GABBR2: variants seen among roughly 807,000 people sequenced by gnomAD.
GABBR2 encodes the protein G-protein coupled receptor 51.
A neutral mutation model predicts 105.6 loss-of-function variants in GABBR2; 23 were observed. The observed-to-expected ratio is 0.22, with a 90% confidence interval of 0.16 to 0.31. The LOEUF is 0.31. GABBR2 is among the 10% of genes least tolerant of loss of function. The probability of loss-of-function intolerance (pLI) is 1.00; values close to 1 mark genes in which losing one functional copy is unlikely to be tolerated. For missense variants in GABBR2, 734 were observed against 1,245.5 expected (o/e 0.59, Z 6.18); for synonymous variants, 478 against 499.7 (o/e 0.96, Z 0.58).
At chr9:98,574,669 T>C (rs1828883510) in intron 2 of GABBR2, among the ~76,000 whole-genome samples, 1 of 152,242 alleles carries the variant, frequency 6.6e-6, no homozygotes, top group Admixed American at 6.5e-5. Flanking sequence ...ACAGTCCCCA[T>C]CTTGTAACCC....
chr9:98,538,685 C>G (rs2779601), intron 3 of GABBR2: 3 of 595,284 alleles, frequency 5.0e-6, no homozygotes, highest in Non-Finnish European at 6.3e-6. Flanking sequence ...CCACCCCCTC[C>G]GACTTCAGGA....
chr9:98,567,395 T>C (rs1463061961), intron 2 of GABBR2, among the ~76,000 whole-genome samples: 1 of 152,242 alleles, frequency 6.6e-6, no homozygotes, highest in Non-Finnish European at 1.5e-5. Flanking sequence ...CCTCTGCTTC[T>C]CTGAAAACCA....
chr9:98,478,862 G>A (rs540134731), intron 5 of GABBR2, among the ~76,000 whole-genome samples: 112 of 152,148 alleles, frequency 7.4e-4, no homozygotes, highest in South Asian at 1.3e-3. Flanking sequence ...TATTTTTTCT[G>A]AAGTTATTTG....
rs1347661190 is a variant in GABBR2, at chr9:98,388,593, CTCCT to C, written c.1529+257_1529+260del. 6.6e-6 allele frequency among the ~76,000 whole-genome samples: 1 copy of C among 151,436 alleles called. No homozygotes were observed. The highest frequency in any genetic ancestry group is 1.5e-5 in the Non-Finnish European group (1 of 67,976). ...ACTTCCTCAAACTTATTTGACTAAA[CTCCT>C]GTGCAACCAGCAGCCTGGCCTCTGT... On this transcript the variant is annotated intron_variant, in intron 10 of 18. Coordinates refer to ENST00000259455, the MANE Select transcript of GABBR2 (RefSeq NM_005458.8). This position sits in a 1 kb window ranked among gnomAD's most constrained non-coding sequence, Gnocchi z 4.4.
chr9:98,386,226 T>C (rs535036020), intron 10 of GABBR2, among the ~76,000 whole-genome samples: 2 of 152,090 alleles, frequency 1.3e-5, no homozygotes, highest in East Asian at 1.9e-4. Context: ...TTTTTTTTTT[T>C]TTTGGCTGGA....
intron 2 of GABBR2, among the ~76,000 whole-genome samples, chr9:98,572,095 T>C (rs947594465): frequency 2.0e-5 from 3 of 152,192 alleles, no homozygotes; most frequent in African/African-American, 7.2e-5. Flanking sequence ...CCCTGCACCC[T>C]GAGCAGGCTC....
intron 2 of GABBR2, among the ~76,000 whole-genome samples, chr9:98,552,706 G>A (rs1301548522): frequency 1.3e-5 from 2 of 152,124 alleles, no homozygotes; most frequent in Non-Finnish European, 1.5e-5. Context: ...GGCCTTCTGG[G>A]GTATCGTGCA....
chr9:98,563,753 C>G (rs1828712229), intron 2 of GABBR2, among the ~76,000 whole-genome samples: 1 of 152,132 alleles, frequency 6.6e-6, no homozygotes, highest in East Asian at 1.9e-4. Flanking sequence ...GATTGTTTTT[C>G]TCAAGTTGAA....
At chr9:98,322,605 C>T (rs1409319714) in intron 13 of GABBR2, among the ~76,000 whole-genome samples, 1 of 32,362 alleles carries the variant, frequency 3.1e-5, no homozygotes, top group Non-Finnish European at 5.8e-5. Context: ...CATGATCTGA[C>T]CCCCCCATAC....
intron 1 of GABBR2, among the ~76,000 whole-genome samples, chr9:98,598,960 CT>C (rs1829279721): frequency 6.6e-6 from 1 of 152,170 alleles, no homozygotes; most frequent in Non-Finnish European, 1.5e-5. Flanking sequence ...CCCCTGCCCC[CT>C]ACCTCCTTAG....
At chr9:98,485,879 C>T (rs1453469339) in intron 4 of GABBR2, among the ~76,000 whole-genome samples, 1 of 152,162 alleles carries the variant, frequency 6.6e-6, no homozygotes, top group Non-Finnish European at 1.5e-5. Context: ...AGCTTCCTGG[C>T]CATGGGAGCC....
intron 3 of GABBR2, among the ~76,000 whole-genome samples, chr9:98,521,567 C>A (rs1827866647): frequency 1.3e-5 from 2 of 152,172 alleles, no homozygotes; most frequent in Admixed American, 1.3e-4. Flanking sequence ...GGCAAGTAAA[C>A]AAAGTCAGAG....
intron 2 of GABBR2, among the ~76,000 whole-genome samples, chr9:98,548,636 T>C (rs561231325): frequency 8.4e-6 from 1 of 119,406 alleles, no homozygotes; most frequent in South Asian, 2.8e-4. Context: ...GTCTCAGAGA[T>C]CAGCAACTGT....
chr9:98,576,607 T>C (rs530879653), intron 2 of GABBR2, among the ~76,000 whole-genome samples: 130 of 152,338 alleles, frequency 8.5e-4, no homozygotes, highest in African/African-American at 2.9e-3. Context: ...TAGATAGCTT[T>C]TCTGTGCCTC....
chr9:98,678,035 G>C (rs377001150), intron 1 of GABBR2, among the ~76,000 whole-genome samples: 1 of 152,170 alleles, frequency 6.6e-6, no homozygotes, highest in South Asian at 2.1e-4. Flanking sequence ...TTATCAGCAC[G>C]CAAGCTCTCT....
chr9:98,375,920 A>G (rs1831864841), intron 11 of GABBR2, among the ~76,000 whole-genome samples: 1 of 152,222 alleles, frequency 6.6e-6, no homozygotes, highest in African/African-American at 2.4e-5. Context: ...TACCACCAAT[A>G]CAAGTCTCTA....
Position 98,550,880 on chromosome 9 carries a change from CG to C in GABBR2, c.460-8838del, listed in dbSNP as rs147912528. 4.9e-4 allele frequency among the ~76,000 whole-genome samples: 75 copies of C among 152,126 alleles called. No individual in the cohort carries two copies. The East Asian group carries it at 0.014, about 27-fold the overall frequency. On this transcript the variant is annotated intron_variant, in intron 2 of 18. Coordinates refer to ENST00000259455, the MANE Select transcript of GABBR2 (RefSeq NM_005458.8). ...TGGATTTGTGGAGAGTCTGTTCACACGGGGGATCCTTTGCAATCTTCCTGGG... is the reference window on the plus strand; with the variant it reads ...TGGATTTGTGGAGAGTCTGTTCACACGGGGATCCTTTGCAATCTTCCTGGG...
chr9:98,290,525 A>G lies in GABBR2; in HGVS notation c.*59T>C. 1.7e-6 allele frequency: 2 copies of G among 1,166,152 alleles called. No individual in the cohort carries two copies. The highest frequency in any genetic ancestry group is 2.2e-6 in the Non-Finnish European group (2 of 902,142). The allele number at this position is 1,166,152 out of a possible 1,614,324, so 72.2% of individuals were successfully genotyped here. A position where few individuals can be genotyped will look rare whatever the true frequency, so the allele number is the denominator to read the frequency against. ...AGAGCCGACAGTGTTTCTGCAGCAGACCCCTCTGCCCAGTGTGGTTCTGTC... is the reference window on the plus strand; with the variant it reads ...AGAGCCGACAGTGTTTCTGCAGCAGGCCCCTCTGCCCAGTGTGGTTCTGTC... On this transcript the variant is annotated 3_prime_UTR_variant, in exon 19 of 19. Coordinates refer to ENST00000259455, the MANE Select transcript of GABBR2 (RefSeq NM_005458.8).
intron 3 of GABBR2, among the ~76,000 whole-genome samples, chr9:98,504,407 C>T (rs1469327362): frequency 6.6e-6 from 1 of 152,176 alleles, no homozygotes; most frequent in Non-Finnish European, 1.5e-5. Flanking sequence ...GCCAGTAGTT[C>T]CCCAGACAAC....
Sources: allele counts gnomAD v4.1 joint callset (sites outside exome capture counted in the v4.1 genomes callset), GRCh38; gene constraint gnomAD v4.1.1; non-coding constraint Gnocchi (gnomAD v3.1); transcripts MANE v1.5; gene names NCBI Gene and HGNC (gene_info 2026-07-23, HGNC 2026-07-21).